Variants in JARID2 observed in about 807,000 individuals in gnomAD.
The protein encoded by JARID2 is jumonji and AT-rich interaction domain containing 2.
JARID2 carries 21 observed loss-of-function variants against 125.6 expected under a neutral mutation model. That is an observed-to-expected ratio of 0.17 (90% CI 0.12 to 0.24). The LOEUF (loss-of-function observed/expected upper bound fraction) is 0.24. Ranked by LOEUF, JARID2 falls within the 10% of genes least tolerant of loss-of-function variation. JARID2 has a pLI of 1.00. For missense variants in JARID2, 1,303 were observed against 1,639.6 expected, an observed-to-expected ratio of 0.79 and a Z score of 3.55; for synonymous variants, 736 against 661.6, an observed-to-expected ratio of 1.11 and a Z score of -1.73.
chr6:15,359,671 A>G (rs928889552), intron 1 of JARID2, among the ~76,000 whole-genome samples: 1 of 151,434 alleles, frequency 6.6e-6, no homozygotes, highest in Non-Finnish European at 1.5e-5. Context: ...CTCAGCGGGT[A>G]TTAGAATTTC....
chr6:15,360,275 T>C (rs1246015207), intron 1 of JARID2, among the ~76,000 whole-genome samples: 1 of 151,980 alleles, frequency 6.6e-6, no homozygotes, highest in Non-Finnish European at 1.5e-5. Flanking sequence ...GCCTCCTGGG[T>C]CCTGGTTCAA....
chr6:15,447,869 A>G (rs1280959432), intron 3 of JARID2, among the ~76,000 whole-genome samples: 1 of 152,168 alleles, frequency 6.6e-6, no homozygotes, highest in Non-Finnish European at 1.5e-5. Flanking sequence ...TCTAGGTGCA[A>G]ATATTGTGAG....
chr6:15,303,465 A>G (rs996428319), intron 1 of JARID2, among the ~76,000 whole-genome samples: 6 of 152,268 alleles, frequency 3.9e-5, no homozygotes, highest in Non-Finnish European at 8.8e-5. Flanking sequence ...ATGCAAAGCC[A>G]CTTAACTCCT....
At chr6:15,247,855 T>C in intron 1 of JARID2, 1 of 985,438 alleles carries the variant, frequency 1.0e-6, no homozygotes, top group Non-Finnish European at 1.2e-6. Flanking sequence ...TACATCCGCA[T>C]TGCAGAGGGC....
chr6:15,474,404 T>G (rs1769240421), intron 5 of JARID2, among the ~76,000 whole-genome samples: 1 of 152,210 alleles, frequency 6.6e-6, no homozygotes, highest in Non-Finnish European at 1.5e-5. Context: ...TGTCTGTTCA[T>G]TTCTTAGGAA....
Position 15,520,970 on chromosome 6 carries a change from G to C in JARID2, c.*719G>C. 3.3e-6 allele frequency: 1 copy of C among 299,142 alleles called. No individual in the cohort carries two copies. Among genetic ancestry groups the C allele is most frequent in the Non-Finnish European group, 7.0e-6 (1 of 143,778 alleles). The allele number at this position is 299,142 out of a possible 1,614,324, so 18.5% of individuals were successfully genotyped here. A position where few individuals can be genotyped will look rare whatever the true frequency, so the allele number is the denominator to read the frequency against. ...ACTGCCTGCCTTGGAGGGGTCACAT[G>C]AGGGAGACCTGTGCCTGATTTCATT... On this transcript the variant is annotated 3_prime_UTR_variant, in exon 18 of 18. Transcript: ENST00000341776.
intron 2 of JARID2, among the ~76,000 whole-genome samples, chr6:15,397,832 AG>A (rs1765274787): frequency 6.6e-6 from 1 of 152,212 alleles, no homozygotes; most frequent in South Asian, 2.1e-4. Flanking sequence ...CATGATTTCC[AG>A]GAGACTTGCA....
intron 1 of JARID2, among the ~76,000 whole-genome samples, chr6:15,256,229 C>T (rs1056941976): frequency 8.5e-5 from 13 of 152,192 alleles, no homozygotes; most frequent in African/African-American, 2.9e-4. Context: ...ATGAATTCTG[C>T]ACTTTGATTC....
intron 1 of JARID2, among the ~76,000 whole-genome samples, chr6:15,357,544 CTG>C (rs1763644385): frequency 6.6e-6 from 1 of 151,508 alleles, no homozygotes; most frequent in African/African-American, 2.4e-5. Flanking sequence ...TATTTGGAGA[CTG>C]AAGCTGTTTG....
chr6:15,279,190 A>G (rs748883567), intron 1 of JARID2, among the ~76,000 whole-genome samples: 4 of 148,192 alleles, frequency 2.7e-5, no homozygotes, highest in Non-Finnish European at 5.9e-5. Flanking sequence ...TGTTTTCACC[A>G]CTAAATACAG....
rs534831265 is a variant in JARID2, at chr6:15,415,616, C to T, written c.323+5251C>T. ...GGGGCTGACCCCTCCACCTCCCTCC[C>T]GGTCGGGGCGGCTGGCCGGGCGGGG... On this transcript the variant is annotated intron_variant, in intron 3 of 17. Coordinates refer to ENST00000341776, the MANE Select transcript of JARID2 (RefSeq NM_004973.4). 5.5e-4 allele frequency among the ~76,000 whole-genome samples: 81 copies of T among 146,666 alleles called. 1 individual carries two copies. Among genetic ancestry groups the T allele is most frequent in the South Asian group, 2.1e-4 (1 of 4,714 alleles).
At chr6:15,409,561 C>T (rs181433837) in intron 2 of JARID2, among the ~76,000 whole-genome samples, 68 of 152,282 alleles carry the variant, frequency 4.5e-4, no homozygotes, top group Middle Eastern at 6.8e-3. Flanking sequence ...CTTTTTAGAG[C>T]CCCCAAGGGC....
intron 12 of JARID2, among the ~76,000 whole-genome samples, chr6:15,510,810 G>A (rs952162086): frequency 6.6e-5 from 10 of 152,240 alleles, no homozygotes; most frequent in Admixed American, 6.5e-4. Flanking sequence ...TGCATTTGTA[G>A]AGGGCAGGGT....
At chr6:15,299,270 A>G (rs1180343535) in intron 1 of JARID2, among the ~76,000 whole-genome samples, 1 of 152,120 alleles carries the variant, frequency 6.6e-6, no homozygotes, top group Admixed American at 6.5e-5. Context: ...CCACCACCTA[A>G]TTTGTAAGGA....
intron 2 of JARID2, among the ~76,000 whole-genome samples, chr6:15,381,224 TGGC>T (rs1764571803): frequency 6.8e-6 from 1 of 147,098 alleles, no homozygotes. Context: ...CCGGGCGTGG[TGGC>T]GGGTGCCTGT....
chr6:15,496,104 T>C, intron 6 of JARID2, 28 bp from the exon 7 acceptor site: 3 of 1,571,966 alleles, frequency 1.9e-6, no homozygotes, highest in Non-Finnish European at 2.6e-6. Context: ...CTGCGTTTTT[T>C]TCCACCTCTG....
intron 1 of JARID2, among the ~76,000 whole-genome samples, chr6:15,356,356 A>G (rs539430889): frequency 6.2e-4 from 95 of 152,350 alleles, no homozygotes; most frequent in Non-Finnish European, 1.2e-3. Context: ...TGGCCTAAGT[A>G]GCTTTCCCAC....
chr6:15,497,694 C>G (rs1203952810), intron 7 of JARID2, among the ~76,000 whole-genome samples: 1 of 151,888 alleles, frequency 6.6e-6, no homozygotes, highest in Non-Finnish European at 1.5e-5. Context: ...GGGTGAGCCC[C>G]CACTCTGGGT....
intron 2 of JARID2, among the ~76,000 whole-genome samples, chr6:15,399,665 C>T (rs1373689201): frequency 6.6e-6 from 1 of 152,214 alleles, no homozygotes; most frequent in Non-Finnish European, 1.5e-5. Context: ...AAGTTGACAT[C>T]TACCTTCAGG....
Sources: gnomAD v4.1 joint callset for allele counts (sites outside exome capture counted in the v4.1 genomes callset) on GRCh38, gnomAD v4.1.1 for gene constraint, MANE v1.5 for transcripts, NCBI Gene and HGNC (gene_info 2026-07-23, HGNC 2026-07-21) for gene names.